The following PLCL1 variants were observed in gnomAD, a reference collection of about 807,000 sequenced individuals.
PLCL1 encodes the protein phospholipase C like 1 (inactive).
PLCL1 carries 41 observed loss-of-function variants against 84.4 expected under a neutral mutation model. The observed-to-expected ratio is 0.49, with a 90% CI of 0.38 to 0.63. The LOEUF (loss-of-function observed/expected upper bound fraction) is 0.63, where lower values mean the gene tolerates loss of function less well. PLCL1 is among the 30% of genes least tolerant of loss of function. The pLI is 0.00. For synonymous variants in PLCL1, 490 were observed against 488.3 expected, an observed-to-expected ratio of 1.00 and a Z score of -0.05; for missense variants, 1,206 against 1,367.8, an observed-to-expected ratio of 0.88 and a Z score of 1.87.
Position 198,084,595 on chromosome 2 carries a change from T to C in PLCL1, c.1078T>C (p.Tyr360His). 1.9e-6 allele frequency: 3 copies of C among 1,613,940 alleles called. No individual in the cohort carries two copies. The highest frequency in any genetic ancestry group is 2.5e-6 in the Non-Finnish European group (3 of 1,179,830). Residue 360 changes from tyrosine (Y) to histidine (H), a missense_variant, in exon 2 of 6, where the codon TAC becomes CAC. Coordinates refer to ENST00000428675, the MANE Select transcript of PLCL1 (RefSeq NM_006226.4). ...TATATGCTTAGACATCATAAGGAGA[T>C]ACGAACTTTCTGAAGAGGGACGTCA... ...EDICLDIIRR[Y>H]ELSEEGRQKG...
chr2:197,993,418 C>T (rs1489191031), intron 1 of PLCL1, among the ~76,000 whole-genome samples: 1 of 152,112 alleles, frequency 6.6e-6, no homozygotes, highest in African/African-American at 2.4e-5. Flanking sequence ...CTGTGCTGGT[C>T]CCTGTGTGCT....
rs995025172 is a variant in PLCL1 at position 197,805,820 on chromosome 2, G to A, written c.240+481G>A. 3.3e-5 allele frequency among the ~76,000 whole-genome samples: 5 copies of A among 152,198 alleles called. No individual in the cohort carries two copies. The highest frequency in any genetic ancestry group is 7.2e-5 in the African/African-American group (3 of 41,452). ...CAAGATGTGTGAACTTTCCCGGTAGGGAGGCAGAGTTTTAAGTGGACCCTG... is the reference window on the plus strand; with the variant it reads ...CAAGATGTGTGAACTTTCCCGGTAGAGAGGCAGAGTTTTAAGTGGACCCTG... On this transcript the variant is annotated intron_variant, in intron 1 of 5. Transcript: ENST00000428675. This position sits in a 1 kb window ranked among gnomAD's most constrained non-coding sequence, Gnocchi z 4.0.
chr2:197,816,176 C>A (rs1168873531), intron 1 of PLCL1, among the ~76,000 whole-genome samples: 6 of 152,098 alleles, frequency 3.9e-5, no homozygotes, highest in Non-Finnish European at 8.8e-5. Context: ...CCCAAACCTT[C>A]AGCAACCACC....
chr2:198,090,324 G>A (rs1410281262), intron 3 of PLCL1, among the ~76,000 whole-genome samples: 1 of 151,850 alleles, frequency 6.6e-6, no homozygotes, highest in African/African-American at 2.4e-5. Context: ...TAAGTTGCTA[G>A]CAGGTTATTA....
rs527775170 is a variant in PLCL1 at position 198,130,135 on chromosome 2, C to A, written c.3106-16645C>A. Among the ~76,000 whole-genome samples, 16 of 152,226 alleles carry A rather than the reference C, an allele frequency of 1.1e-4. No homozygotes were observed. In the South Asian group the frequency reaches 3.3e-3, roughly 32 times the overall value. ...TCAGCCTCCCAAGTAGCTGGGACTA[C>A]ATGCACATGCCACCACACCCTGCTA... On this transcript the variant is annotated intron_variant, in intron 5 of 5. Transcript: ENST00000428675.
chr2:198,047,085 T>C (rs1195734934), intron 1 of PLCL1, among the ~76,000 whole-genome samples: 2 of 152,104 alleles, frequency 1.3e-5, no homozygotes, highest in African/African-American at 4.8e-5. Context: ...AATCTAGAGC[T>C]TTTCTAGAAA....
chr2:198,016,607 A>G (rs1691006252), intron 1 of PLCL1, among the ~76,000 whole-genome samples: 1 of 152,162 alleles, frequency 6.6e-6, no homozygotes, highest in Non-Finnish European at 1.5e-5. Context: ...CGACTCTAAA[A>G]TGGGGGTAAT....
intron 1 of PLCL1, among the ~76,000 whole-genome samples, chr2:197,881,243 G>A (rs1016473578): frequency 2.0e-5 from 3 of 152,214 alleles, no homozygotes; most frequent in Non-Finnish European, 2.9e-5. Context: ...AGCACCTTGC[G>A]AGGCAAGTGT....
intron 1 of PLCL1, among the ~76,000 whole-genome samples, chr2:197,959,938 C>T (rs1689575867): frequency 6.6e-6 from 1 of 151,992 alleles, no homozygotes; most frequent in Non-Finnish European, 1.5e-5. Flanking sequence ...TTAATCCTTG[C>T]CTCCATAGCT....
In PLCL1 at chr2:198,138,983, C is replaced by A. The variant is rs147983773; in HGVS notation, c.3106-7797C>A. 8.0e-4 allele frequency among the ~76,000 whole-genome samples: 121 copies of A among 152,164 alleles called. 1 individual carries two copies. In the East Asian group the frequency reaches 0.023, roughly 29 times the overall value. ...CCAGCCTGACTAACATGGAGAAACTCCATCTCTACTAAAAATACAAAATCA... is the reference window on the plus strand; with the variant it reads ...CCAGCCTGACTAACATGGAGAAACTACATCTCTACTAAAAATACAAAATCA... On this transcript the variant is annotated intron_variant, in intron 5 of 5. Coordinates refer to ENST00000428675, the MANE Select transcript of PLCL1 (RefSeq NM_006226.4).
intron 5 of PLCL1, among the ~76,000 whole-genome samples, chr2:198,133,148 T>G (rs961248514): frequency 2.0e-5 from 3 of 151,962 alleles, no homozygotes; most frequent in Non-Finnish European, 4.4e-5. Context: ...AATGATAGAC[T>G]GGATTAAGAA....
At chr2:198,078,969 A>C (rs1026864679) in intron 1 of PLCL1, among the ~76,000 whole-genome samples, 9 of 152,208 alleles carry the variant, frequency 5.9e-5, no homozygotes, top group Non-Finnish European at 1.2e-4. Flanking sequence ...TATAAGCATT[A>C]GGTAGATTCA....
chr2:198,110,561 A>AAACAGATGATGGGCTAATGGG (rs1693594412), intron 5 of PLCL1, among the ~76,000 whole-genome samples: 2 of 151,940 alleles, frequency 1.3e-5, no homozygotes, highest in South Asian at 4.1e-4. Flanking sequence ...AAAAGAAAGG[A>AAACAGATGATGGGCTAATGGG]AACAGATGAT....
intron 1 of PLCL1, among the ~76,000 whole-genome samples, chr2:197,807,608 A>G (rs1237381771): frequency 6.6e-6 from 1 of 152,200 alleles, no homozygotes; most frequent in African/African-American, 2.4e-5. Flanking sequence ...TGAGTTTCCA[A>G]AAAAAGTTTA....
chr2:197,987,280 A>G (rs1690238163), intron 1 of PLCL1, among the ~76,000 whole-genome samples: 1 of 152,178 alleles, frequency 6.6e-6, no homozygotes, highest in African/African-American at 2.4e-5. Flanking sequence ...TTATTAAACA[A>G]TTACATGGAT....
At chr2:197,906,305 T>A (rs1299466892) in intron 1 of PLCL1, among the ~76,000 whole-genome samples, 3 of 152,014 alleles carry the variant, frequency 2.0e-5, no homozygotes, top group Non-Finnish European at 4.4e-5. Context: ...ATGCCATTTA[T>A]CAAATAGGGA....
Position 198,145,589 on chromosome 2 carries a change from G to A in PLCL1, c.3106-1191G>A, listed in dbSNP as rs550096371. ...AATTGATGTACTTGAGAAGAAGTTC[G>A]CTTTAACACAAACATCAGGCAAAGC... On this transcript the variant is annotated intron_variant, in intron 5 of 5. Transcript: ENST00000428675. Among the ~76,000 whole-genome samples the A allele has an allele frequency of 3.8e-4, 58 of 152,266 alleles. 1 individual carries two copies. Among genetic ancestry groups the A allele is most frequent in the Admixed American group, 1.5e-3 (23 of 15,300 alleles).
chr2:197,890,682 CTA>C (rs1553500076), intron 1 of PLCL1, among the ~76,000 whole-genome samples: 40 of 116,126 alleles, frequency 3.4e-4, no homozygotes, highest in Middle Eastern at 4.8e-3. Context: ...TATTTTTTTG[CTA>C]TATATATATA....
chr2:198,040,793 T>A (rs1168218947), intron 1 of PLCL1, among the ~76,000 whole-genome samples: 5 of 152,188 alleles, frequency 3.3e-5, no homozygotes, highest in Non-Finnish European at 4.4e-5. Flanking sequence ...GATTCATGGA[T>A]TGAAGTGTGC....
Sources: allele counts gnomAD v4.1 joint callset (sites outside exome capture counted in the v4.1 genomes callset), GRCh38; gene constraint gnomAD v4.1.1; non-coding constraint Gnocchi (gnomAD v3.1); transcripts MANE v1.5; gene names NCBI Gene and HGNC (gene_info 2026-07-23, HGNC 2026-07-21).